Variants in LRP2 observed in about 807,000 individuals in gnomAD.
LRP2 encodes low-density lipoprotein receptor-related protein 2.
Under a neutral mutation model 531.0 loss-of-function variants are expected in LRP2, and 172 were observed. The observed-to-expected ratio is 0.32, with a 90% confidence interval of 0.29 to 0.37. The LOEUF (loss-of-function observed/expected upper bound fraction) is 0.37, where lower values mean the gene tolerates loss of function less well. Among genes scored for constraint, LRP2 ranks in the 10% least tolerant of loss-of-function variants. The pLI, the probability that LRP2 is intolerant of heterozygous loss-of-function variation, is 1.00. For synonymous variants in LRP2, 1,992 were observed against 2,027.6 expected (o/e 0.98, Z 0.47); for missense variants, 5,167 against 5,868.3 (o/e 0.88, Z 3.90).
chr2:169,174,275 T>G, intron 55 of LRP2, 111 bp from the exon 56 acceptor site: 1 of 1,318,718 alleles, frequency 7.6e-7, no homozygotes, highest in Non-Finnish European at 1.1e-6. Context: ...TTAGAGGACT[T>G]ATTTCCTAAT....
intron 4 of LRP2, among the ~76,000 whole-genome samples, 159 bp downstream of exon 4, chr2:169,307,122 A>G (rs1016387009): frequency 1.4e-4 from 21 of 152,230 alleles, no homozygotes; most frequent in African/African-American, 5.1e-4. Context: ...CTCTTATCAG[A>G]ACATCACCCC....
At chr2:169,330,649 A>T (rs572355693) in intron 1 of LRP2, among the ~76,000 whole-genome samples, 3 of 152,302 alleles carry the variant, frequency 2.0e-5, no homozygotes, top group Admixed American at 2.0e-4. Flanking sequence ...GTCCTGGTCA[A>T]AGCAGTATGT....
intron 38 of LRP2, among the ~76,000 whole-genome samples, chr2:169,208,030 C>T (rs1183381914): frequency 6.6e-6 from 1 of 152,150 alleles, no homozygotes; most frequent in African/African-American, 2.4e-5. Context: ...TTTTTCATTA[C>T]CTAACTCTAC....
chr2:169,274,557 C>A (rs1683502838), intron 14 of LRP2, among the ~76,000 whole-genome samples: 1 of 152,080 alleles, frequency 6.6e-6, no homozygotes, highest in East Asian at 1.9e-4. Context: ...ACAGATTAAT[C>A]AGAACCAAAG....
intron 68 of LRP2, among the ~76,000 whole-genome samples, chr2:169,149,968 A>G (rs1450578817): frequency 6.6e-6 from 1 of 152,202 alleles, no homozygotes; most frequent in Non-Finnish European, 1.5e-5. Flanking sequence ...GGAAACAGTC[A>G]CATCATTCAC....
At chr2:169,284,982 T>C (rs1683814012) in intron 9 of LRP2, among the ~76,000 whole-genome samples, 1 of 152,078 alleles carries the variant, frequency 6.6e-6, no homozygotes, top group African/African-American at 2.4e-5. Flanking sequence ...ACAAATGCCC[T>C]TCCTATCACC....
At chr2:169,357,259 T>A (rs539508079) in intron 1 of LRP2, among the ~76,000 whole-genome samples, 15 of 135,008 alleles carry the variant, frequency 1.1e-4, no homozygotes, top group African/African-American at 4.9e-4. Flanking sequence ...ACCTTCTACT[T>A]TCTTTTCTTT....
intron 63 of LRP2, among the ~76,000 whole-genome samples, chr2:169,159,600 T>G (rs1263051238): frequency 6.6e-6 from 1 of 152,182 alleles, no homozygotes; most frequent in Non-Finnish European, 1.5e-5. Context: ...CAGAGTTTTG[T>G]GTCTTTCTAA....
intron 52 of LRP2, among the ~76,000 whole-genome samples, chr2:169,179,664 G>A (rs1305694356): frequency 6.6e-6 from 1 of 151,870 alleles, no homozygotes; most frequent in South Asian, 2.1e-4. Context: ...AGGTTGTGGT[G>A]AGCCGAGATC....
At chr2:169,337,611 T>G (rs1358860608) in intron 1 of LRP2, among the ~76,000 whole-genome samples, 1 of 152,160 alleles carries the variant, frequency 6.6e-6, no homozygotes, top group Non-Finnish European at 1.5e-5. Flanking sequence ...CATTAACACG[T>G]GAACATGATT....
intron 1 of LRP2, among the ~76,000 whole-genome samples, chr2:169,335,642 C>T (rs1370586374): frequency 6.6e-6 from 1 of 152,032 alleles, no homozygotes; most frequent in Non-Finnish European, 1.5e-5. Flanking sequence ...GAGAGAAATT[C>T]TGTCTCAATA....
At chr2:169,240,261 C>T (rs182780666) in intron 25 of LRP2, among the ~76,000 whole-genome samples, 3 of 152,128 alleles carry the variant, frequency 2.0e-5, no homozygotes, top group East Asian at 1.9e-4. Context: ...TACACAGATC[C>T]GGTAACATAT....
chr2:169,326,899 C>T (rs1291621490), intron 1 of LRP2, among the ~76,000 whole-genome samples: 1 of 151,758 alleles, frequency 6.6e-6, no homozygotes, highest in South Asian at 2.1e-4. Flanking sequence ...GTGCCTCTGC[C>T]CGGCGGCGAC....
intron 1 of LRP2, among the ~76,000 whole-genome samples, chr2:169,339,762 T>C (rs1191976184): frequency 1.3e-5 from 2 of 152,340 alleles, no homozygotes; most frequent in South Asian, 4.1e-4. Context: ...AAATTGTTTC[T>C]GACTTGATGA....
Position 169,272,886 on chromosome 2 carries a change from C to A in LRP2, c.2116+41G>T, listed in dbSNP as rs146387907. On this transcript the variant is annotated intron_variant, in intron 15 of 78. Coordinates refer to ENST00000649046, the MANE Select transcript of LRP2 (RefSeq NM_004525.3). ...AGTTAGAGGTTTGGACACACATACA[C>A]CTGTGTCACCTGCCAACAACGTCCA... The A allele has an allele frequency of 4.0e-5, 64 of 1,612,018 alleles. No individual in the cohort carries two copies. The East Asian group carries it at 1.2e-3, about 30-fold the overall frequency.
intron 4 of LRP2, among the ~76,000 whole-genome samples, chr2:169,300,659 A>G (rs755498540): frequency 2.0e-5 from 3 of 151,970 alleles, no homozygotes; most frequent in Non-Finnish European, 4.4e-5. Context: ...AATAAAAGAG[A>G]GTTTTCTTTC....
chr2:169,202,011 G>C, intron 43 of LRP2, 141 bp from the exon 44 acceptor site: 1 of 1,006,132 alleles, frequency 9.9e-7, no homozygotes, highest in South Asian at 1.5e-5. Flanking sequence ...TGCATGCAAA[G>C]TGAGATAACA....
intron 16 of LRP2, among the ~76,000 whole-genome samples, chr2:169,268,008 G>T (rs1004004096): frequency 4.6e-5 from 7 of 152,136 alleles, no homozygotes; most frequent in African/African-American, 1.7e-4. Flanking sequence ...AAATCTAGAA[G>T]AAATAGATAA....
At chr2:169,170,782 C>T (rs1240060397) in intron 58 of LRP2, 115 bp from the exon 59 acceptor site, 6 of 783,176 alleles carry the variant, frequency 7.7e-6, no homozygotes, top group African/African-American at 1.7e-5. Flanking sequence ...TCCCAAGCCC[C>T]AGAGGTGTGC....
Sources: allele counts gnomAD v4.1 joint callset (sites outside exome capture counted in the v4.1 genomes callset), GRCh38; gene constraint gnomAD v4.1.1; transcripts MANE v1.5; gene names NCBI Gene and HGNC (gene_info 2026-07-23, HGNC 2026-07-21).